The following CACNA1D variants were observed in gnomAD, a reference collection of about 807,000 sequenced individuals.
CACNA1D encodes the protein calcium voltage-gated channel subunit alpha1 D.
Under a neutral mutation model 257.1 loss-of-function variants are expected in CACNA1D, and 55 were observed. The observed-to-expected ratio is 0.21, with a 90% CI of 0.17 to 0.27. The LOEUF (loss-of-function observed/expected upper bound fraction) is 0.27. Among genes scored for constraint, CACNA1D ranks in the 10% least tolerant of loss-of-function variants. The probability of loss-of-function intolerance (pLI) is 1.00; values close to 1 mark genes in which losing one functional copy is unlikely to be tolerated. For synonymous variants in CACNA1D, 980 were observed against 1,014.9 expected (o/e 0.97, Z 0.65); for missense variants, 1,876 against 2,784.0 (o/e 0.67, Z 7.34).
chr3:53,510,291 T>C (rs1290641114), intron 3 of CACNA1D, among the ~76,000 whole-genome samples: 1 of 152,188 alleles, frequency 6.6e-6, no homozygotes, highest in Non-Finnish European at 1.5e-5. Context: ...ATAAATACAG[T>C]TTGAGTATTT....
At chr3:53,599,410 A>AT (rs1052965620) in intron 3 of CACNA1D, among the ~76,000 whole-genome samples, 9 of 152,134 alleles carry the variant, frequency 5.9e-5, no homozygotes, top group Admixed American at 6.5e-5. Context: ...CATATACAGG[A>AT]TTTTTTTTAT....
intron 14 of CACNA1D, among the ~76,000 whole-genome samples, chr3:53,725,421 C>T (rs1349277030): frequency 6.6e-6 from 1 of 152,198 alleles, no homozygotes. Flanking sequence ...TGACCCTGAA[C>T]ACGCATCAGA....
At chr3:53,639,682 G>A (rs1048657948) in intron 3 of CACNA1D, among the ~76,000 whole-genome samples, 2 of 151,182 alleles carry the variant, frequency 1.3e-5, no homozygotes, top group Admixed American at 6.6e-5. Context: ...CACCGCGCCC[G>A]GCTGAGATTT....
intron 3 of CACNA1D, among the ~76,000 whole-genome samples, chr3:53,560,132 C>G (rs181197684): frequency 1.3e-5 from 2 of 148,660 alleles, no homozygotes; most frequent in African/African-American, 4.9e-5. Flanking sequence ...TCTGTCCATA[C>G]CCAGCTAGCA....
intron 3 of CACNA1D, among the ~76,000 whole-genome samples, chr3:53,586,219 G>A (rs1482890310): frequency 6.6e-6 from 1 of 151,818 alleles, no homozygotes; most frequent in African/African-American, 2.4e-5. Context: ...ACTAGCTGAA[G>A]GAATTCATGC....
Position 53,713,136 on chromosome 3 carries a change from C to T in CACNA1D, c.1391-5165C>T, listed in dbSNP as rs921551485. On this transcript the variant is annotated intron_variant, in intron 9 of 47. Transcript: ENST00000350061. ...AGGGGCTCACTTCTTGTGCCCTCCCCTCCTTGCAGAGCTGGGGGAATGCAA... is the reference window on the plus strand; with the variant it reads ...AGGGGCTCACTTCTTGTGCCCTCCCTTCCTTGCAGAGCTGGGGGAATGCAA... Among the ~76,000 whole-genome samples the T allele has an allele frequency of 3.9e-5, 6 of 152,338 alleles. No individual in the cohort carries two copies. The East Asian group carries it at 5.8e-4, about 15-fold the overall frequency.
rs200059470 is a variant in CACNA1D, at chr3:53,650,823, A to G, written c.528A>G (p.Thr176=). 6.2e-7 allele frequency: 1 copy of G among 1,613,454 alleles called. No individual in the cohort carries two copies. Among genetic ancestry groups the G allele is most frequent in the South Asian group, 1.1e-5 (1 of 91,058 alleles). The stretch of plus-strand genomic sequence containing the variant: ...TCCTGATTATTTTTACAGTCGAGAC[A>G]TTTTTGAAGATTATAGCGTATGGAT... The part of the protein sequence containing the change: ...YAFLIIFTVE[T]FLKIIAYGLL... Residue 176 remains threonine (T), a synonymous_variant, in exon 4 of 48, where the codon ACA becomes ACG. Transcript: ENST00000350061.
At chr3:53,712,711 C>G (rs1427440428) in intron 9 of CACNA1D, among the ~76,000 whole-genome samples, 1 of 152,162 alleles carries the variant, frequency 6.6e-6, no homozygotes. Flanking sequence ...GCCTCACCCC[C>G]TACCCTTACC....
intron 3 of CACNA1D, among the ~76,000 whole-genome samples, chr3:53,564,069 T>C (rs1021684936): frequency 6.6e-6 from 1 of 152,244 alleles, no homozygotes; most frequent in Non-Finnish European, 1.5e-5. Flanking sequence ...TATGTATTTC[T>C]GTGATGACTA....
intron 7 of CACNA1D, among the ~76,000 whole-genome samples, chr3:53,669,690 A>G (rs2094304285): frequency 6.6e-6 from 1 of 152,248 alleles, no homozygotes; most frequent in Non-Finnish European, 1.5e-5. Flanking sequence ...GAACAGGACT[A>G]TTTGGATGTG....
rs753152442 is a variant in CACNA1D, at chr3:53,506,255, T to TC, written c.483+4539dup. Among the ~76,000 whole-genome samples, 18 of 152,278 alleles carry TC rather than the reference T, an allele frequency of 1.2e-4. 1 individual carries two copies. Among genetic ancestry groups the TC allele is most frequent in the East Asian group, 1.2e-3 (6 of 5,180 alleles). On this transcript the variant is annotated intron_variant, in intron 3 of 47. Transcript: ENST00000350061. ...TCAGCCTTCTCTGATACTTGTCCAC[T>TC]CCCCGCCTGCCTACATCTGAGTACT... is the stretch of plus-strand genomic sequence containing the variant.
intron 3 of CACNA1D, among the ~76,000 whole-genome samples, chr3:53,633,247 C>G (rs74922784): frequency 6.0e-4 from 91 of 152,300 alleles, no homozygotes; most frequent in African/African-American, 2.1e-3. Context: ...GATCCCAACA[C>G]TTTGGGAGGC....
intron 3 of CACNA1D, among the ~76,000 whole-genome samples, chr3:53,604,113 C>T (rs2093478518): frequency 6.6e-6 from 1 of 152,200 alleles, no homozygotes; most frequent in Non-Finnish European, 1.5e-5. Flanking sequence ...GAGAGTATGG[C>T]TCTATTTCTT....
intron 39 of CACNA1D, among the ~76,000 whole-genome samples, chr3:53,783,403 C>T (rs562676709): frequency 6.6e-6 from 1 of 152,328 alleles, no homozygotes; most frequent in East Asian, 1.9e-4. Context: ...GAGTAGAAAT[C>T]TTCTTCTTTC....
chr3:53,566,927 A>G (rs1012781634), intron 3 of CACNA1D, among the ~76,000 whole-genome samples: 2 of 152,134 alleles, frequency 1.3e-5, no homozygotes, highest in African/African-American at 4.8e-5. Context: ...CTGGCACGCT[A>G]TTTGCTCATG....
chr3:53,718,170 G>A (rs1251396647), intron 9 of CACNA1D, 131 bp from the exon 10 acceptor site: 1 of 778,090 alleles, frequency 1.3e-6, no homozygotes, highest in Non-Finnish European at 2.3e-6. Context: ...CCCAGCTGAG[G>A]CCCTGAGGGC....
chr3:53,687,329 A>T (rs966789830), intron 8 of CACNA1D, among the ~76,000 whole-genome samples: 7 of 152,290 alleles, frequency 4.6e-5, no homozygotes, highest in African/African-American at 1.7e-4. Flanking sequence ...CATAAAAAAT[A>T]AAGAAGGAGG....
At position 53,735,471 on chromosome 3, in the gene CACNA1D, G is replaced by A. The variant is rs917373274; in HGVS notation, c.2719G>A (p.Asp907Asn). The change falls in exon 20 of 48, where the codon GAC becomes AAC. Residue 907 changes from aspartate (D) to asparagine (N), a missense_variant. Around this residue, in one of 10 missense-constraint regions of CACNA1D, gnomAD observed 271 missense variants for 425.5 expected, o/e 0.64. Transcript: ENST00000350061. ...MLSSAALAAE[D>N]PIRSHSFRNT... ...GAGCAGCGCTGCCCTGGCCGCAGAG[G>A]ACCCCATCCGCAGCCACTCCTTCCG... 1.2e-6 allele frequency: 2 copies of A among 1,613,916 alleles called. No homozygotes were observed. Among genetic ancestry groups the A allele is most frequent in the Admixed American group, 3.3e-5 (2 of 59,986 alleles).
rs1226201082 is a variant in CACNA1D at position 53,810,307 on chromosome 3, G to A, written c.6192+9G>A. The A allele has an allele frequency of 1.4e-5, 23 of 1,613,240 alleles. No homozygotes were observed. Among genetic ancestry groups the A allele is most frequent in the East Asian group, 8.9e-5 (4 of 44,884 alleles). ...ACAGCTTGGTGGAGGCAGTGAGTAC[G>A]GTTCTTGGCCGTGGTGGGCAGGAAG... On this transcript the variant is annotated intron_variant, in intron 47 of 47. Transcript: ENST00000350061.
Sources: allele counts gnomAD v4.1 joint callset (sites outside exome capture counted in the v4.1 genomes callset), GRCh38; gene constraint gnomAD v4.1.1; regional missense constraint gnomAD v4.1.1; transcripts MANE v1.5; gene names NCBI Gene and HGNC (gene_info 2026-07-23, HGNC 2026-07-21).